NXPE2: variants seen among roughly 807,000 people sequenced by gnomAD.
NXPE2 encodes neurexophilin and PC-esterase domain family member 2, also known as NXPE family member 2.
Under a neutral mutation model 34.4 loss-of-function variants are expected in NXPE2, and 34 were observed. The ratio of observed to expected loss-of-function variants is 0.99; its 90% CI spans 0.75 to 1.31. The LOEUF is 1.31. Among genes scored for constraint, NXPE2 ranks in the 40% most tolerant of loss-of-function variants. The probability of loss-of-function intolerance (pLI) is 0.00; values close to 1 mark genes in which losing one functional copy is unlikely to be tolerated. For synonymous variants in NXPE2, 235 were observed against 231.3 expected, an observed-to-expected ratio of 1.02 and a Z score of -0.15; for missense variants, 649 against 672.5, an observed-to-expected ratio of 0.97 and a Z score of 0.39.
chr11:114,739,367 CCTCCCTCACTCA>C, the NXPE2 span, among the ~76,000 whole-genome samples: 6 of 101,402 alleles, frequency 5.9e-5, no homozygotes, highest in Admixed American at 2.0e-4. Context: ...TCCCTCCCTC[CCTCCCTCACTCA>C]CTCCTTCCCT....
chr11:114,583,451 T>A, the NXPE2 span: 2 of 666,792 alleles, frequency 3.0e-6, no homozygotes, highest in South Asian at 2.8e-5. Context: ...GATGACCAAG[T>A]ACCACAGTGA....
At chr11:114,530,205 AG>A in the NXPE2 span, 3 of 1,610,876 alleles carry the variant, frequency 1.9e-6, no homozygotes, top group Non-Finnish European at 2.5e-6. Flanking sequence ...CTTGTCTGTA[AG>A]ATAAGATACC....
the NXPE2 span, among the ~76,000 whole-genome samples, chr11:114,808,908 CA>C: frequency 6.6e-6 from 1 of 152,212 alleles, no homozygotes. Context: ...AATTTTAGAC[CA>C]ATATCCTTGA....
the NXPE2 span, among the ~76,000 whole-genome samples, chr11:114,727,203 C>G: frequency 6.6e-6 from 1 of 152,132 alleles, no homozygotes; most frequent in East Asian, 1.9e-4. Context: ...TTATAAACAA[C>G]AGAAATTTAT....
the NXPE2 span, chr11:114,584,354 T>C: frequency 2.3e-6 from 1 of 428,368 alleles, no homozygotes. Flanking sequence ...CAGTGGCTGT[T>C]TGAGAACCTA....
the NXPE2 span, among the ~76,000 whole-genome samples, chr11:114,659,613 A>C: frequency 1.1e-4 from 16 of 152,148 alleles, no homozygotes; most frequent in Non-Finnish European, 1.9e-4. Context: ...ATACTAGAAA[A>C]TATTTTTAAT....
chr11:114,740,143 A>T, the NXPE2 span, among the ~76,000 whole-genome samples: 1 of 152,202 alleles, frequency 6.6e-6, no homozygotes, highest in East Asian at 1.9e-4. Flanking sequence ...AAAATAGAAC[A>T]ATTATAACAA....
At chr11:114,677,500 T>C (rs1950871789), upstream of NXPE2, among the ~76,000 whole-genome samples, 1 of 152,060 alleles carries the variant, frequency 6.6e-6, no homozygotes, top group Admixed American at 6.6e-5. Flanking sequence ...GAAGAACATG[T>C]CTTATAAGGA....
At chr11:114,552,613 T>G in the NXPE2 span, among the ~76,000 whole-genome samples, 2 of 152,130 alleles carry the variant, frequency 1.3e-5, no homozygotes, top group African/African-American at 4.8e-5. Flanking sequence ...GGGGCTACTC[T>G]GACCCCTCCT....
chr11:114,698,643 A>ACATGGATGACAGAGACCAAGAAGC lies in NXPE2; in HGVS notation c.733_756dup (p.Met245_Ala252dup). The ACATGGATGACAGAGACCAAGAAGC allele has an allele frequency of 1.9e-6, 3 of 1,614,222 alleles. No homozygotes were observed. In the South Asian group the frequency reaches 3.3e-5, roughly 18 times the overall value. On this transcript the variant is annotated inframe_insertion, in exon 3 of 6. Transcript: ENST00000389586. ...AACACAAATGCTGAACTGTGCCAGT[A>ACATGGATGACAGAGACCAAGAAGC]CATGGATGACAGAGACCAAGAAGCC...
the NXPE2 span, among the ~76,000 whole-genome samples, chr11:114,738,786 C>T: frequency 6.6e-6 from 1 of 152,044 alleles, no homozygotes; most frequent in African/African-American, 2.4e-5. Flanking sequence ...GCACCTCATG[C>T]CCCCCACCTT....
chr11:114,761,778 G>T, the NXPE2 span, among the ~76,000 whole-genome samples: 3 of 151,624 alleles, frequency 2.0e-5, no homozygotes, highest in African/African-American at 7.3e-5. Flanking sequence ...GTTTCACCTT[G>T]TTAGCCAGGA....
the NXPE2 span, among the ~76,000 whole-genome samples, chr11:114,785,068 T>G: frequency 2.6e-5 from 4 of 152,040 alleles, no homozygotes; most frequent in South Asian, 8.3e-4. Context: ...CAGTCTGCCC[T>G]GTGATCTCGT....
At chr11:114,663,738 C>T in the NXPE2 span, among the ~76,000 whole-genome samples, 6 of 151,104 alleles carry the variant, frequency 4.0e-5, no homozygotes, top group East Asian at 3.9e-4. Context: ...TATCTATTGG[C>T]GAACTCAATA....
chr11:114,495,460 T>C, the NXPE2 span, among the ~76,000 whole-genome samples: 1 of 151,618 alleles, frequency 6.6e-6, no homozygotes, highest in African/African-American at 2.4e-5. Flanking sequence ...GAAGGGTCTC[T>C]CCTCATGGCC....
chr11:114,805,684 C>A, the NXPE2 span, among the ~76,000 whole-genome samples: 2 of 152,216 alleles, frequency 1.3e-5, no homozygotes, highest in Admixed American at 6.5e-5. Context: ...ATTAGGTAAA[C>A]AAAGCAGCCG....
At chr11:114,495,179 C>G in the NXPE2 span, among the ~76,000 whole-genome samples, 2 of 152,164 alleles carry the variant, frequency 1.3e-5, no homozygotes, top group African/African-American at 4.8e-5. Context: ...CAGCACAGCA[C>G]TGGGTCTCAC....
At chr11:114,508,562 A>G in the NXPE2 span, among the ~76,000 whole-genome samples, 1 of 152,194 alleles carries the variant, frequency 6.6e-6, no homozygotes, top group African/African-American at 2.4e-5. Context: ...CCAATGCCAC[A>G]GAATAGAGAA....
the NXPE2 span, among the ~76,000 whole-genome samples, chr11:114,483,064 C>T: frequency 7.2e-5 from 11 of 152,170 alleles, no homozygotes; most frequent in African/African-American, 2.7e-4. Context: ...CTTTGCTTTT[C>T]ATTTTTCATT....
Sources: allele counts gnomAD v4.1 joint callset (sites outside exome capture counted in the v4.1 genomes callset), GRCh38; gene constraint gnomAD v4.1.1; transcripts MANE v1.5; gene names NCBI Gene and HGNC (gene_info 2026-07-23, HGNC 2026-07-21).